Variants in AGO3 observed in about 807,000 individuals in gnomAD.
AGO3 encodes argonaute RISC catalytic component 3.
In AGO3, 16 loss-of-function variants were observed where a neutral mutation model predicts 105.5. The observed-to-expected ratio is 0.15, with a 90% CI of 0.10 to 0.23. The LOEUF (loss-of-function observed/expected upper bound fraction) is 0.23, where lower values mean the gene tolerates loss of function less well. AGO3 is among the 10% of genes least tolerant of loss of function. The pLI is 1.00. For synonymous variants in AGO3, 340 were observed against 367.3 expected (o/e 0.93, Z 0.85); for missense variants, 534 against 1,088.0 (o/e 0.49, Z 7.16).
chr1:36,003,709 A>AAAAAAAAAATATATATATAT (rs1295618675), intron 5 of AGO3, among the ~76,000 whole-genome samples: 7 of 99,432 alleles, frequency 7.0e-5, no homozygotes, highest in Admixed American at 1.1e-4. Context: ...AAAAAAAAAA[A>AAAAAAAAAATATATATATAT]ATATATATAT....
intron 12 of AGO3, among the ~76,000 whole-genome samples, chr1:36,030,754 C>T (rs1641737156): frequency 1.3e-5 from 2 of 152,164 alleles, no homozygotes; most frequent in African/African-American, 4.8e-5. Flanking sequence ...GCTGGGATTA[C>T]AGGCATGTGC....
intron 5 of AGO3, among the ~76,000 whole-genome samples, chr1:35,993,905 G>A (rs914826492): frequency 2.0e-5 from 3 of 151,160 alleles, no homozygotes; most frequent in South Asian, 4.2e-4. Context: ...GCACCACCAT[G>A]CCCGGCTAAT....
rs1641536802 is a variant in AGO3, at chr1:36,027,045, T to G, written c.1407-69T>G. The stretch of plus-strand genomic sequence containing the variant: ...TCATCCTTCCATTCCCTTCCCAAAC[T>G]TCCCATTACTACTTTGTAGGAATTC... On this transcript the variant is annotated intron_variant, in intron 11 of 18. Coordinates refer to ENST00000373191, the MANE Select transcript of AGO3 (RefSeq NM_024852.4). This position sits in a 1 kb window ranked among gnomAD's most constrained non-coding sequence, Gnocchi z 4.0. 6.6e-7 allele frequency: 1 copy of G among 1,512,274 alleles called. No homozygotes were observed. Among genetic ancestry groups the G allele is most frequent in the Non-Finnish European group, 8.9e-7 (1 of 1,121,508 alleles). The allele number at this position is 1,512,274 out of a possible 1,614,324, so 93.7% of individuals were successfully genotyped here.
At chr1:36,013,430 G>C in intron 9 of AGO3, 200 bp from the exon 10 acceptor site, 1 of 589,780 alleles carries the variant, frequency 1.7e-6, no homozygotes, top group South Asian at 2.4e-5. Context: ...ATTACCAGGA[G>C]GTCACAGAAT....
At chr1:36,001,980 A>G (rs957128036) in intron 5 of AGO3, among the ~76,000 whole-genome samples, 4 of 152,220 alleles carry the variant, frequency 2.6e-5, no homozygotes, top group Admixed American at 1.3e-4. Flanking sequence ...AAATGAAGTT[A>G]TAAAGATAAA....
At chr1:35,995,834 C>T (rs543153691) in intron 5 of AGO3, among the ~76,000 whole-genome samples, 9 of 152,164 alleles carry the variant, frequency 5.9e-5, no homozygotes, top group South Asian at 2.1e-4. Context: ...CATGCCACCA[C>T]GCCTGGGTAA....
In AGO3 at chr1:36,057,476, T is replaced by C. The variant is rs79634870; in HGVS notation, c.*1731T>C. The C allele has an allele frequency of 9.6e-3, 1,454 of 152,232 alleles. 23 individuals are homozygous for C. The highest frequency in any genetic ancestry group is 0.033 in the African/African-American group (1,359 of 41,544). The allele number at this position is 152,232 out of a possible 1,614,324, so 9.4% of individuals were successfully genotyped here. On this transcript the variant is annotated 3_prime_UTR_variant, in exon 19 of 19. Coordinates refer to ENST00000373191, the MANE Select transcript of AGO3 (RefSeq NM_024852.4). ...ATTGGCAGCATCTTTTATAGAAATA[T>C]AATCATGTTTATTTTAAGAACTGAC...
chr1:35,987,047 G>A (rs757180306), intron 5 of AGO3, among the ~76,000 whole-genome samples: 4 of 150,544 alleles, frequency 2.7e-5, no homozygotes, highest in Non-Finnish European at 5.9e-5. Flanking sequence ...AGCAAAAGGG[G>A]CTAGGCACGG....
At chr1:35,991,787 CTT>C (rs1404016728) in intron 5 of AGO3, among the ~76,000 whole-genome samples, 1 of 152,060 alleles carries the variant, frequency 6.6e-6, no homozygotes, top group African/African-American at 2.4e-5. Context: ...AGTATCCTCT[CTT>C]AGCTCTCTGA....
At chr1:35,941,882 A>G (rs534528121) in intron 1 of AGO3, among the ~76,000 whole-genome samples, 2 of 152,338 alleles carry the variant, frequency 1.3e-5, no homozygotes, top group South Asian at 4.1e-4. Flanking sequence ...CACTTAGCAC[A>G]TTGCCTGAGA....
chr1:35,937,272 G>A (rs917506278), intron 1 of AGO3, among the ~76,000 whole-genome samples: 6 of 151,884 alleles, frequency 4.0e-5, no homozygotes, highest in African/African-American at 1.2e-4. Flanking sequence ...GCATAGTGGC[G>A]GGTGCCTGTA....
intron 2 of AGO3, among the ~76,000 whole-genome samples, chr1:35,960,527 G>A (rs965196967): frequency 3.3e-5 from 5 of 151,748 alleles, no homozygotes; most frequent in African/African-American, 9.7e-5. Flanking sequence ...TATGAATTTG[G>A]CCAGGCACAG....
rs774114716 is a variant in AGO3 at position 35,972,105 on chromosome 1, A to C, written c.394A>C (p.Ser132Arg). The change falls in exon 4 of 19, where the codon AGT becomes CGT. Residue 132 changes from serine to arginine, a missense_variant. Physicochemically the swap from Ser to Arg is moderately radical, Grantham distance 110 (BLOSUM62 -1). Coordinates refer to ENST00000373191, the MANE Select transcript of AGO3 (RefSeq NM_024852.4). ...KVSIKFVSRV[S>R]WHLLHEVLTG... ...GTCAATCAAATTTGTCTCTCGGGTG[A>C]GTTGGCACCTACTGCATGAAGTACT... 6.2e-7 allele frequency: 1 copy of C among 1,614,112 alleles called. No individual in the cohort carries two copies. The highest frequency in any genetic ancestry group is 1.7e-5 in the Admixed American group (1 of 59,996).
intron 5 of AGO3, among the ~76,000 whole-genome samples, chr1:36,003,032 T>C (rs1187206911): frequency 2.0e-5 from 3 of 151,762 alleles, no homozygotes; most frequent in African/African-American, 4.8e-5. Flanking sequence ...GATCGCGCCA[T>C]TGCACTCCAG....
At chr1:35,976,937 T>C (rs1369057337) in intron 5 of AGO3, among the ~76,000 whole-genome samples, 2 of 152,164 alleles carry the variant, frequency 1.3e-5, no homozygotes, top group African/African-American at 2.4e-5. Flanking sequence ...ATTGATATTA[T>C]CAGCTCTTGT....
intron 9 of AGO3, among the ~76,000 whole-genome samples, 200 bp downstream of exon 9, chr1:36,009,794 C>A (rs922717717): frequency 1.1e-4 from 16 of 151,966 alleles, no homozygotes; most frequent in Non-Finnish European, 1.9e-4. Context: ...TCTCATTTAA[C>A]CCTGAGCTTT....
chr1:35,943,271 G>C (rs1646290888), intron 1 of AGO3, among the ~76,000 whole-genome samples: 1 of 149,874 alleles, frequency 6.7e-6, no homozygotes, highest in South Asian at 2.1e-4. Flanking sequence ...GCTTCCCAGA[G>C]TGTTGGGATT....
At chr1:36,034,428 AC>A (rs1025804718) in intron 13 of AGO3, 95 bp downstream of exon 13, 9 of 865,058 alleles carry the variant, frequency 1.0e-5, no homozygotes, top group African/African-American at 1.8e-5. Flanking sequence ...TGTGTAAGAG[AC>A]CCCCTTAATA....
chr1:35,968,499 A>G (rs895155260), intron 3 of AGO3, among the ~76,000 whole-genome samples: 1 of 152,282 alleles, frequency 6.6e-6, no homozygotes, highest in East Asian at 1.9e-4. Context: ...TGACTATTCT[A>G]GGTACCTCAT....
Sources: allele counts gnomAD v4.1 joint callset (sites outside exome capture counted in the v4.1 genomes callset), GRCh38; gene constraint gnomAD v4.1.1; non-coding constraint Gnocchi (gnomAD v3.1); transcripts MANE v1.5; gene names NCBI Gene and HGNC (gene_info 2026-07-23, HGNC 2026-07-21).